The following BZW2 variants were observed in gnomAD, a reference collection of about 807,000 sequenced individuals.
The protein encoded by BZW2 is eIF5-mimic protein 1.
A neutral mutation model predicts 53.2 loss-of-function variants in BZW2; 23 were observed. The observed-to-expected ratio is 0.43, with a 90% confidence interval of 0.31 to 0.61. BZW2 has a LOEUF of 0.61. BZW2 is among the 20% of genes least tolerant of loss of function. The pLI is 0.09. For missense variants in BZW2, 409 were observed against 503.1 expected (o/e 0.81, Z 1.79); for synonymous variants, 227 against 186.4 (o/e 1.22, Z -1.77).
At chr7:16,689,174 C>G (rs180678255) in intron 6 of BZW2, among the ~76,000 whole-genome samples, 1 of 152,038 alleles carries the variant, frequency 6.6e-6, no homozygotes, top group Non-Finnish European at 1.5e-5. Context: ...TGCAGTGAGC[C>G]GAGATCGTGC....
At chr7:16,683,426 G>A (rs963269261) in intron 5 of BZW2, among the ~76,000 whole-genome samples, 5 of 152,122 alleles carry the variant, frequency 3.3e-5, no homozygotes, top group African/African-American at 9.7e-5. Context: ...AGTTTTACGG[G>A]CTATAACCTC....
chr7:16,676,669 G>C (rs567479271), intron 3 of BZW2, among the ~76,000 whole-genome samples: 3 of 152,212 alleles, frequency 2.0e-5, no homozygotes, highest in South Asian at 4.1e-4. Context: ...AACTTTAATA[G>C]TGGAGTTGAA....
intron 10 of BZW2, among the ~76,000 whole-genome samples, chr7:16,698,597 T>C (rs1418059130): frequency 2.0e-5 from 3 of 152,352 alleles, no homozygotes; most frequent in Admixed American, 2.0e-4. Context: ...ACTGAAGTAA[T>C]TAGCCTTTTT....
At chr7:16,662,544 C>T (rs1782297947) in intron 1 of BZW2, among the ~76,000 whole-genome samples, 1 of 152,026 alleles carries the variant, frequency 6.6e-6, no homozygotes, top group Non-Finnish European at 1.5e-5. Flanking sequence ...TTAGGGAATT[C>T]CATGAGTTTG....
At chr7:16,672,952 CT>C (rs59698213) in intron 2 of BZW2, among the ~76,000 whole-genome samples, 37 of 146,488 alleles carry the variant, frequency 2.5e-4, no homozygotes, top group South Asian at 2.1e-4. Context: ...TATCCACTTT[CT>C]TTTTTTTTTT....
chr7:16,682,536 T>C (rs1782982397), intron 4 of BZW2, among the ~76,000 whole-genome samples: 1 of 152,248 alleles, frequency 6.6e-6, no homozygotes, highest in Non-Finnish European at 1.5e-5. Context: ...CGTCGAATTT[T>C]TTTTTCTACC....
At chr7:16,704,138 C>G (rs1429538881) in intron 10 of BZW2, among the ~76,000 whole-genome samples, 1 of 152,140 alleles carries the variant, frequency 6.6e-6, no homozygotes, top group Non-Finnish European at 1.5e-5. Context: ...TTAAAAGACA[C>G]TGGTCATTTG....
intron 1 of BZW2, among the ~76,000 whole-genome samples, chr7:16,657,174 C>T (rs1782145034): frequency 1.3e-5 from 2 of 152,242 alleles, no homozygotes; most frequent in South Asian, 4.1e-4. Flanking sequence ...TAAGTATATA[C>T]AATTTTCTAA....
intron 1 of BZW2, among the ~76,000 whole-genome samples, chr7:16,657,822 T>G (rs1457803843): frequency 6.6e-6 from 1 of 152,190 alleles, no homozygotes; most frequent in African/African-American, 2.4e-5. Flanking sequence ...ACCTCTGGCT[T>G]TGCTCACCAT....
At chr7:16,690,311 C>T (rs1219921646) in intron 7 of BZW2, among the ~76,000 whole-genome samples, 2 of 151,964 alleles carry the variant, frequency 1.3e-5, no homozygotes, top group Admixed American at 1.3e-4. Context: ...AAACAATTCT[C>T]CTGCCTCAGC....
intron 2 of BZW2, among the ~76,000 whole-genome samples, chr7:16,666,276 T>C (rs1021762065): frequency 6.6e-6 from 1 of 151,556 alleles, no homozygotes; most frequent in African/African-American, 2.4e-5. Context: ...TAAAAAAATT[T>C]TTTTGTAGAG....
Position 16,706,160 on chromosome 7 carries a change from A to G in BZW2, c.*72A>G. 6.6e-7 allele frequency: 1 copy of G among 1,524,574 alleles called. No homozygotes were observed. Among genetic ancestry groups the G allele is most frequent in the Non-Finnish European group, 9.0e-7 (1 of 1,114,394 alleles). 94.4% of individuals were successfully genotyped at this position (1,524,574 alleles called of 1,614,324 possible). A position where few individuals can be genotyped will look rare whatever the true frequency, so the allele number is the denominator to read the frequency against. ...ATTGGGAATGCTGAACCATTTGAGA[A>G]GAGAAACTTGGCTTCTGTTTTCGCA... On this transcript the variant is annotated 3_prime_UTR_variant, in exon 12 of 12. Coordinates refer to ENST00000258761, the MANE Select transcript of BZW2 (RefSeq NM_014038.3).
chr7:16,676,580 T>C (rs192970268), intron 3 of BZW2, among the ~76,000 whole-genome samples: 3,408 of 140,496 alleles, frequency 0.024, 127 homozygotes, highest in African/African-American at 0.088. Context: ...ACATACACCT[T>C]TAACAATGTT....
chr7:16,699,592 C>T (rs77868382), intron 10 of BZW2, among the ~76,000 whole-genome samples: 2 of 152,248 alleles, frequency 1.3e-5, no homozygotes, highest in East Asian at 3.9e-4. Flanking sequence ...TAAAAGATAA[C>T]CCAACCAGTG....
At chr7:16,692,035 A>T (rs1783325583) in intron 7 of BZW2, among the ~76,000 whole-genome samples, 1 of 152,228 alleles carries the variant, frequency 6.6e-6, no homozygotes, top group African/African-American at 2.4e-5. Flanking sequence ...CAACAAAAGA[A>T]TGAGGAACTA....
At chr7:16,699,563 A>G (rs1372972414) in intron 10 of BZW2, among the ~76,000 whole-genome samples, 1 of 152,186 alleles carries the variant, frequency 6.6e-6, no homozygotes, top group East Asian at 1.9e-4. Flanking sequence ...ACCTGAACAT[A>G]GTTTGCTTTC....
intron 1 of BZW2, among the ~76,000 whole-genome samples, chr7:16,657,593 TA>T (rs1165520370): frequency 6.6e-6 from 1 of 152,220 alleles, no homozygotes; most frequent in Non-Finnish European, 1.5e-5. Context: ...ATTTCAGAAA[TA>T]AATTGTTAGT....
chr7:16,685,549 C>T (rs796649502), intron 5 of BZW2, among the ~76,000 whole-genome samples: 38 of 152,070 alleles, frequency 2.5e-4, no homozygotes, highest in African/African-American at 9.2e-4. Context: ...AAAAACAATA[C>T]ATTTCAGAAA....
At chr7:16,675,752 T>C (rs1442191476) in intron 3 of BZW2, among the ~76,000 whole-genome samples, 1 of 152,182 alleles carries the variant, frequency 6.6e-6, no homozygotes, top group Admixed American at 6.5e-5. Flanking sequence ...CCGGGAAAAA[T>C]CATTGTTAAC....
Sources: gnomAD v4.1 joint callset for allele counts (sites outside exome capture counted in the v4.1 genomes callset) on GRCh38, gnomAD v4.1.1 for gene constraint, MANE v1.5 for transcripts, NCBI Gene and HGNC (gene_info 2026-07-23, HGNC 2026-07-21) for gene names.